The following PCSK5 variants were observed in gnomAD, a reference collection of about 807,000 sequenced individuals.
The protein encoded by PCSK5 is proprotein convertase subtilisin/kexin type 5.
PCSK5 carries 129 observed loss-of-function variants against 233.2 expected under a neutral mutation model. That is an observed-to-expected ratio of 0.55 (90% CI 0.48 to 0.64). PCSK5 has a LOEUF of 0.64. Among genes scored for constraint, PCSK5 ranks in the 30% least tolerant of loss-of-function variants. The probability of loss-of-function intolerance (pLI) is 0.00; values close to 1 mark genes in which losing one functional copy is unlikely to be tolerated. For synonymous variants in PCSK5, 825 were observed against 879.2 expected (o/e 0.94, Z 1.09); for missense variants, 2,076 against 2,430.1 (o/e 0.85, Z 3.06).
intron 5 of PCSK5, among the ~76,000 whole-genome samples, chr9:76,031,743 A>G (rs113665459): frequency 1.3e-5 from 2 of 152,284 alleles, no homozygotes; most frequent in African/African-American, 4.8e-5. Flanking sequence ...TGTGTAAAAT[A>G]CCAAGCTTAC....
intron 9 of PCSK5, among the ~76,000 whole-genome samples, chr9:76,111,704 A>G (rs535914486): frequency 7.3e-4 from 111 of 152,284 alleles, no homozygotes; most frequent in African/African-American, 2.6e-3. Flanking sequence ...TACATAGCCT[A>G]ACTCAAAAAG....
chr9:75,947,886 G>A (rs532691305), intron 2 of PCSK5, among the ~76,000 whole-genome samples: 6 of 152,228 alleles, frequency 3.9e-5, no homozygotes, highest in African/African-American at 1.4e-4. Flanking sequence ...CTGTCACCCA[G>A]GCTGAAGTGC....
In PCSK5 at chr9:76,175,087, G is replaced by A; in HGVS notation, c.1858G>A (p.Val620Ile). The change falls in exon 14 of 38, where the codon GTT becomes ATT. Residue 620 changes from valine to isoleucine, a missense_variant. Val to Ile is a conservative substitution (Grantham distance 29). Transcript: ENST00000674117. The stretch of plus-strand genomic sequence containing the variant: ...AGTGGAACGGTTCCGCTATAGCCGA[G>A]TTGAAGACCCCACAGACGACTATGG... ...PKVERFRYSRVEDPTDDYGTE... is the reference protein window; with the variant it reads ...PKVERFRYSRIEDPTDDYGTE... 6.2e-7 allele frequency: 1 copy of A among 1,614,182 alleles called. No individual in the cohort carries two copies. The highest frequency in any genetic ancestry group is 8.5e-7 in the Non-Finnish European group (1 of 1,180,012).
chr9:76,157,239 T>A, intron 11 of PCSK5, 77 bp downstream of exon 11: 2 of 905,150 alleles, frequency 2.2e-6, no homozygotes, highest in Non-Finnish European at 3.7e-6. Flanking sequence ...AGACAGCCTC[T>A]TGTTGCACAC....
At chr9:76,016,793 C>T (rs1048223313) in intron 3 of PCSK5, among the ~76,000 whole-genome samples, 23 of 152,282 alleles carry the variant, frequency 1.5e-4, no homozygotes, top group South Asian at 8.3e-4. Context: ...ATGAGAAACA[C>T]CATCCACTTA....
Position 76,181,422 on chromosome 9 carries a change from T to G in PCSK5, c.2028T>G (p.Pro676=). The G allele has an allele frequency of 6.2e-7, 1 of 1,613,786 alleles. No homozygotes were observed. Among genetic ancestry groups the G allele is most frequent in the Non-Finnish European group, 8.5e-7 (1 of 1,179,822 alleles). The change falls in exon 16 of 38, where the codon CCT becomes CCG. Residue 676 remains proline (P), a synonymous_variant. Coordinates refer to ENST00000674117, the MANE Select transcript of PCSK5 (RefSeq NM_001372043.1). ...NTRICVSSCP[P]GHYHADKKRC... ...GGATCTGTGTCTCCAGCTGCCCCCC[T>G]GGCCACTACCACGCCGACAAGAAGC...
At chr9:76,053,970 G>C (rs1829728444) in intron 5 of PCSK5, among the ~76,000 whole-genome samples, 1 of 152,200 alleles carries the variant, frequency 6.6e-6, no homozygotes, top group Admixed American at 6.5e-5. Context: ...AAAGAGGTTT[G>C]ATAGACTCAC....
intron 7 of PCSK5, among the ~76,000 whole-genome samples, chr9:76,085,860 TAGAGAAG>T (rs1284708949): frequency 3.3e-5 from 5 of 152,188 alleles, no homozygotes; most frequent in Admixed American, 2.6e-4. Context: ...AGAGCTAACT[TAGAGAAG>T]AGTATGAACT....
intron 1 of PCSK5, among the ~76,000 whole-genome samples, chr9:75,904,505 A>T (rs78192719): frequency 2.6e-5 from 4 of 152,222 alleles, no homozygotes; most frequent in Non-Finnish European, 5.9e-5. Context: ...TCCAAAGCAC[A>T]TATGCAAATG....
At chr9:75,963,353 G>A (rs961782453) in intron 2 of PCSK5, among the ~76,000 whole-genome samples, 2 of 152,180 alleles carry the variant, frequency 1.3e-5, no homozygotes, top group Admixed American at 6.5e-5. Context: ...ACAATTTATG[G>A]TGAAAATCTA....
At chr9:75,937,272 G>A (rs935032745) in intron 2 of PCSK5, among the ~76,000 whole-genome samples, 38 of 151,534 alleles carry the variant, frequency 2.5e-4, no homozygotes, top group African/African-American at 8.5e-4. Flanking sequence ...TCCGCTTCCC[G>A]GGTTCAAGTG....
In PCSK5 at chr9:76,173,496, C is replaced by CTTTTTTTTTTTTTTTTT. The variant is rs59248860; in HGVS notation, c.1757-1470_1757-1454dup. Among the ~76,000 whole-genome samples, 129 of 60,982 alleles carry CTTTTTTTTTTTTTTTTT rather than the reference C, an allele frequency of 2.1e-3. 16 individuals are homozygous for CTTTTTTTTTTTTTTTTT. Among genetic ancestry groups the CTTTTTTTTTTTTTTTTT allele is most frequent in the Non-Finnish European group, 2.5e-3 (75 of 30,116 alleles). The allele number at this position is 60,982 out of a possible 152,430, so 40.0% of individuals were successfully genotyped here. A position where few individuals can be genotyped will look rare whatever the true frequency, so the allele number is the denominator to read the frequency against. On this transcript the variant is annotated intron_variant, in intron 13 of 37. Coordinates refer to ENST00000674117, the MANE Select transcript of PCSK5 (RefSeq NM_001372043.1). ...CTTTAATGAAATGGAGGCACGTTTC[C>CTTTTTTTTTTTTTTTTT]TTTTTTTTTTTTTTTTTTTTTTTTT...
At chr9:76,261,903 G>A (rs1047911024) in intron 24 of PCSK5, among the ~76,000 whole-genome samples, 3 of 152,142 alleles carry the variant, frequency 2.0e-5, no homozygotes, top group African/African-American at 7.2e-5. Context: ...AGGAGATTTT[G>A]GGCTGAGATG....
intron 20 of PCSK5, among the ~76,000 whole-genome samples, chr9:76,203,888 A>G (rs1234328557): frequency 6.6e-6 from 1 of 152,132 alleles, no homozygotes; most frequent in Non-Finnish European, 1.5e-5. Flanking sequence ...CTGGGTTCAA[A>G]TCCTGGCTCT....
chr9:75,932,685 A>T (rs1372462232), intron 2 of PCSK5, among the ~76,000 whole-genome samples: 2 of 152,116 alleles, frequency 1.3e-5, no homozygotes, highest in African/African-American at 4.8e-5. Flanking sequence ...CTATCATCCC[A>T]GTTGTAGAGT....
intron 31 of PCSK5, 61 bp from the exon 32 acceptor site, chr9:76,322,991 A>T: frequency 1.1e-6 from 1 of 912,010 alleles, no homozygotes; most frequent in Non-Finnish European, 1.7e-6. Context: ...AGCCTACTGC[A>T]GACAATGAAT....
At chr9:76,357,287 G>A (rs752922607) in intron 37 of PCSK5, among the ~76,000 whole-genome samples, 9 of 152,086 alleles carry the variant, frequency 5.9e-5, no homozygotes, top group Non-Finnish European at 1.2e-4. Flanking sequence ...TTGGGAGGCC[G>A]AGGGTGATCA....
At chr9:76,054,414 A>G (rs1829748496) in intron 5 of PCSK5, among the ~76,000 whole-genome samples, 1 of 152,242 alleles carries the variant, frequency 6.6e-6, no homozygotes, top group Non-Finnish European at 1.5e-5. Flanking sequence ...TCAGTTAACA[A>G]TGAATAAGCT....
intron 20 of PCSK5, among the ~76,000 whole-genome samples, chr9:76,209,242 T>C (rs1825236005): frequency 6.6e-6 from 1 of 152,208 alleles, no homozygotes; most frequent in Admixed American, 6.5e-5. Flanking sequence ...ACCTTTCTTT[T>C]GAGTTATATT....
Sources: allele counts gnomAD v4.1 joint callset (sites outside exome capture counted in the v4.1 genomes callset), GRCh38; gene constraint gnomAD v4.1.1; transcripts MANE v1.5; gene names NCBI Gene and HGNC (gene_info 2026-07-23, HGNC 2026-07-21).